Variants in MCTP1 observed in about 807,000 individuals in gnomAD.
MCTP1 encodes multiple C2 and transmembrane domain-containing protein 1.
MCTP1 carries 69 observed loss-of-function variants against 120.6 expected under a neutral mutation model. The ratio of observed to expected loss-of-function variants is 0.57; its 90% CI spans 0.47 to 0.70. The LOEUF (loss-of-function observed/expected upper bound fraction) is 0.70, where lower values mean the gene tolerates loss of function less well. Among genes scored for constraint, MCTP1 ranks in the 30% least tolerant of loss-of-function variants. The probability of loss-of-function intolerance (pLI) is 0.00; values close to 1 mark genes in which losing one functional copy is unlikely to be tolerated. For synonymous variants in MCTP1, 529 were observed against 493.1 expected (o/e 1.07, Z -0.96); for missense variants, 1,203 against 1,248.8 (o/e 0.96, Z 0.55).
intron 4 of MCTP1, among the ~76,000 whole-genome samples, chr5:94,941,378 G>T (rs1026052209): frequency 6.6e-6 from 1 of 152,050 alleles, no homozygotes; most frequent in African/African-American, 2.4e-5. Flanking sequence ...AGGAAAGGCT[G>T]CTCTTTTGTC....
chr5:94,802,999 T>C (rs1781526731), intron 17 of MCTP1, among the ~76,000 whole-genome samples: 1 of 152,188 alleles, frequency 6.6e-6, no homozygotes, highest in Admixed American at 6.5e-5. Flanking sequence ...TTCCTCTCTC[T>C]CTGTCACATA....
In MCTP1 at chr5:95,227,151, G is replaced by A. The variant is rs149204289; in HGVS notation, c.720+56705C>T. On this transcript the variant is annotated intron_variant, in intron 1 of 22. Coordinates refer to ENST00000515393, the MANE Select transcript of MCTP1 (RefSeq NM_024717.7). ...ATAAGAACCTGACACTTTAAATCCT[G>A]CTACAACTGGTAAATTCAAGCTCAG... Among the ~76,000 whole-genome samples, 42 of 152,200 alleles carry A rather than the reference G, an allele frequency of 2.8e-4. 1 individual carries two copies. The East Asian group carries it at 7.3e-3, about 27-fold the overall frequency.
chr5:95,041,072 C>T (rs1334872122), intron 1 of MCTP1, among the ~76,000 whole-genome samples: 2 of 151,842 alleles, frequency 1.3e-5, no homozygotes, highest in Admixed American at 6.6e-5. Flanking sequence ...TAAGTCAGTT[C>T]GAGTTTTTTT....
At chr5:94,983,778 C>T (rs1485376826) in intron 2 of MCTP1, among the ~76,000 whole-genome samples, 2 of 152,292 alleles carry the variant, frequency 1.3e-5, no homozygotes, top group East Asian at 3.9e-4. Flanking sequence ...AGAACAATTA[C>T]ATGCTTTTCA....
At chr5:94,817,483 C>T (rs1043101493) in intron 17 of MCTP1, among the ~76,000 whole-genome samples, 1 of 152,134 alleles carries the variant, frequency 6.6e-6, no homozygotes, top group African/African-American at 2.4e-5. Context: ...AACTTGCTAC[C>T]TCTTAACCTT....
At chr5:95,007,984 C>T (rs928883798) in intron 2 of MCTP1, among the ~76,000 whole-genome samples, 2 of 152,062 alleles carry the variant, frequency 1.3e-5, no homozygotes, top group African/African-American at 2.4e-5. Flanking sequence ...CATTTTGTTA[C>T]CCAGTGTAAT....
chr5:95,241,974 G>A (rs961036889), intron 1 of MCTP1, among the ~76,000 whole-genome samples: 8 of 152,120 alleles, frequency 5.3e-5, no homozygotes, highest in East Asian at 1.9e-4. Context: ...AATATAAAAT[G>A]AGTATAAAGT....
intron 19 of MCTP1, among the ~76,000 whole-genome samples, chr5:94,759,586 A>G (rs1328472957): frequency 6.6e-6 from 1 of 152,212 alleles, no homozygotes; most frequent in African/African-American, 2.4e-5. Context: ...TAAAAAGCAC[A>G]TTTGCAGTAC....
chr5:95,243,850 A>G (rs74924261), intron 1 of MCTP1, among the ~76,000 whole-genome samples: 2 of 152,222 alleles, frequency 1.3e-5, no homozygotes, highest in Non-Finnish European at 2.9e-5. Context: ...AATGAGAACT[A>G]AACAAGATGG....
intron 1 of MCTP1, among the ~76,000 whole-genome samples, chr5:95,098,410 A>G (rs1756441962): frequency 6.6e-6 from 1 of 152,234 alleles, no homozygotes; most frequent in African/African-American, 2.4e-5. Context: ...TACATAAAGT[A>G]TTTAATTTTT....
chr5:95,165,548 G>A (rs1746227906), intron 1 of MCTP1, among the ~76,000 whole-genome samples: 1 of 152,156 alleles, frequency 6.6e-6, no homozygotes, highest in African/African-American at 2.4e-5. Flanking sequence ...CAAATGTCTT[G>A]CATTAATAAA....
At chr5:94,780,720 T>C (rs958698212) in intron 18 of MCTP1, among the ~76,000 whole-genome samples, 15 of 152,142 alleles carry the variant, frequency 9.9e-5, no homozygotes, top group Non-Finnish European at 1.5e-4. Context: ...AGCTACTCCA[T>C]AGCATTTATT....
At chr5:95,190,054 T>G (rs1749660116) in intron 1 of MCTP1, among the ~76,000 whole-genome samples, 1 of 152,176 alleles carries the variant, frequency 6.6e-6, no homozygotes, top group African/African-American at 2.4e-5. Flanking sequence ...GCTTAGAAGA[T>G]GAAGCTACCA....
chr5:94,953,274 C>T lies in MCTP1; in HGVS notation c.926G>A (p.Trp309Ter). Reference protein sequence around the residue: ...KIIHKNLNPVWEEKACILVDH... With the variant: ...KIIHKNLNPV Reference sequence around the variant, plus strand: ...AACCAGAATACAAGCTTTTTCTTCCCACACAGGGTTGAGGTTCTTGTGTAT... The same window carrying T: ...AACCAGAATACAAGCTTTTTCTTCCTACACAGGGTTGAGGTTCTTGTGTAT... Residue 309 changes from tryptophan to a stop codon, truncating the protein, a stop_gained, in exon 3 of 23, where the codon TGG becomes TAG. Transcript: ENST00000515393. LOFTEE classifies it high-confidence loss of function. 2 of 1,612,746 alleles carry T rather than the reference C, an allele frequency of 1.2e-6. No homozygotes were observed. Among genetic ancestry groups the T allele is most frequent in the Non-Finnish European group, 1.7e-6 (2 of 1,179,356 alleles).
rs1401488092 is a variant in MCTP1 at position 95,251,721 on chromosome 5, G to A, written c.720+32135C>T. ...ATAGTAATAATAAGTAATATATGGT[G>A]CTTACTATTATAGTACCTGGCTCTG... On this transcript the variant is annotated intron_variant, in intron 1 of 22. Coordinates refer to ENST00000515393, the MANE Select transcript of MCTP1 (RefSeq NM_024717.7). 2.0e-5 allele frequency among the ~76,000 whole-genome samples: 3 copies of A among 151,998 alleles called. No homozygotes were observed. In the East Asian group the frequency reaches 5.8e-4, roughly 29 times the overall value.
chr5:94,718,696 A>AGTGT lies in MCTP1; in HGVS notation c.2611-3811_2611-3810insACAC, dbSNP rs1477926553. Reference sequence around the variant, plus strand: ...ATTAAAAAGTAGGCAAAAGACATGAACAGACACTTCATAAAAGAAGACATT... The same window carrying AGTGT: ...ATTAAAAAGTAGGCAAAAGACATGAAGTGTCAGACACTTCATAAAAGAAGACATT... On this transcript the variant is annotated intron_variant, in intron 19 of 22. Transcript: ENST00000515393. Among the ~76,000 whole-genome samples the AGTGT allele has an allele frequency of 1.2e-4, 18 of 152,248 alleles. 1 individual carries two copies. In the East Asian group the frequency reaches 3.3e-3, roughly 28 times the overall value.
intron 2 of MCTP1, among the ~76,000 whole-genome samples, chr5:94,973,856 T>C (rs1827457266): frequency 6.6e-6 from 1 of 152,060 alleles, no homozygotes; most frequent in Non-Finnish European, 1.5e-5. Context: ...GACCTCCAAG[T>C]TAGAAAGCCT....
At chr5:95,071,398 C>T (rs1416984466) in intron 1 of MCTP1, among the ~76,000 whole-genome samples, 5 of 152,142 alleles carry the variant, frequency 3.3e-5, no homozygotes, top group South Asian at 2.1e-4. Context: ...TTTCAAACAG[C>T]GGGGAAACAA....
Position 95,174,254 on chromosome 5 carries a change from T to A in MCTP1, c.720+109602A>T, listed in dbSNP as rs147161825. Among the ~76,000 whole-genome samples, 59 of 152,278 alleles carry A rather than the reference T, an allele frequency of 3.9e-4. No homozygotes were observed. The East Asian group carries it at 0.011, about 29-fold the overall frequency. ...AACCTTCCCCAAAATGAAGACCATG[T>A]ATCATATAAAATGGCCCATCAACTG... On this transcript the variant is annotated intron_variant, in intron 1 of 22. Transcript: ENST00000515393.
Sources: allele counts gnomAD v4.1 joint callset (sites outside exome capture counted in the v4.1 genomes callset), GRCh38; gene constraint gnomAD v4.1.1; transcripts MANE v1.5; gene names NCBI Gene and HGNC (gene_info 2026-07-23, HGNC 2026-07-21).